The following CNST variants were observed in gnomAD, a reference collection of about 807,000 sequenced individuals.
CNST encodes consortin.
Under a neutral mutation model 72.4 loss-of-function variants are expected in CNST, and 39 were observed. The ratio of observed to expected loss-of-function variants is 0.54; its 90% CI spans 0.42 to 0.70. The LOEUF is 0.70. Among genes scored for constraint, CNST ranks in the 30% least tolerant of loss-of-function variants. CNST has a pLI of 0.00. For synonymous variants in CNST, 332 were observed against 320.1 expected, an observed-to-expected ratio of 1.04 and a Z score of -0.40; for missense variants, 871 against 868.5, an observed-to-expected ratio of 1.00 and a Z score of -0.04.
intron 1 of CNST, among the ~76,000 whole-genome samples, chr1:246,569,188 TAAGA>T (rs1659908467): frequency 1.3e-5 from 2 of 152,200 alleles, no homozygotes; most frequent in Non-Finnish European, 1.5e-5. Context: ...GTAGTGGTAT[TAAGA>T]AAGTAAAAAG....
intron 8 of CNST, among the ~76,000 whole-genome samples, chr1:246,645,572 C>G (rs1373484424): frequency 6.6e-6 from 1 of 151,742 alleles, no homozygotes; most frequent in Non-Finnish European, 1.5e-5. Flanking sequence ...GGACTACAGG[C>G]GCCCGCCACC....
chr1:246,625,967 TTTTG>T (rs1433854395), intron 3 of CNST, among the ~76,000 whole-genome samples: 2 of 152,124 alleles, frequency 1.3e-5, no homozygotes, highest in Non-Finnish European at 2.9e-5. Context: ...TTTTGAAGCG[TTTTG>T]TTTATTTGCC....
chr1:246,591,378 G>C, intron 1 of CNST, 134 bp from the exon 2 acceptor site: 1 of 654,642 alleles, frequency 1.5e-6, no homozygotes, highest in East Asian at 2.8e-5. Context: ...TATGGTGAAA[G>C]GGAATGAACT....
At chr1:246,601,602 CT>C (rs1662295031) in intron 2 of CNST, among the ~76,000 whole-genome samples, 1 of 151,994 alleles carries the variant, frequency 6.6e-6, no homozygotes, top group Non-Finnish European at 1.5e-5. Flanking sequence ...GGAGACCGGC[CT>C]GACCAACATG....
chr1:246,585,814 A>AT (rs1314108002), intron 1 of CNST, among the ~76,000 whole-genome samples: 1 of 151,288 alleles, frequency 6.6e-6, no homozygotes, highest in African/African-American at 2.4e-5. Context: ...GCGTGGTGGC[A>AT]TACATCTGTA....
intron 8 of CNST, among the ~76,000 whole-genome samples, chr1:246,644,183 G>A (rs919817167): frequency 3.3e-5 from 5 of 152,016 alleles, no homozygotes; most frequent in African/African-American, 9.7e-5. Context: ...GGCGGTTCAC[G>A]AGGTCAGGAG....
intron 10 of CNST, among the ~76,000 whole-genome samples, chr1:246,663,888 A>G (rs574613880): frequency 2.6e-5 from 4 of 152,204 alleles, no homozygotes; most frequent in African/African-American, 9.7e-5. Context: ...TGGGAAGGAA[A>G]TATGATTGGG....
At chr1:246,612,424 A>G (rs1368461358) in intron 2 of CNST, among the ~76,000 whole-genome samples, 1 of 152,174 alleles carries the variant, frequency 6.6e-6, no homozygotes, top group East Asian at 1.9e-4. Context: ...GCTGGTCTCG[A>G]ACTCCTGACC....
chr1:246,585,666 TACACACACACACACACACACAC>T (rs56730668), intron 1 of CNST, among the ~76,000 whole-genome samples: 27 of 101,604 alleles, frequency 2.7e-4, no homozygotes, highest in African/African-American at 3.2e-4. Flanking sequence ...AAAAAAAATA[TACACACACACACACACACACAC>T]ACACACACAC....
chr1:246,624,877 C>G (rs1201061766), intron 3 of CNST, among the ~76,000 whole-genome samples: 2 of 152,206 alleles, frequency 1.3e-5, no homozygotes, highest in Non-Finnish European at 2.9e-5. Context: ...TGGTCTTTAA[C>G]TCCTGATCTC....
chr1:246,657,643 C>T (rs961266207), intron 9 of CNST, among the ~76,000 whole-genome samples: 26 of 152,140 alleles, frequency 1.7e-4, no homozygotes, highest in Non-Finnish European at 3.1e-4. Context: ...TAAGGTGGGA[C>T]CACCTGACAA....
At chr1:246,638,379 G>A (rs189610857) in intron 6 of CNST, among the ~76,000 whole-genome samples, 350 of 152,280 alleles carry the variant, frequency 2.3e-3, no homozygotes, top group Admixed American at 6.1e-3. Context: ...CTGGGGTTTG[G>A]TGGCCCCTGC....
At position 246,626,271 on chromosome 1, in the gene CNST, G is replaced by A. The variant is rs140162660; in HGVS notation, c.585+4637G>A. On this transcript the variant is annotated intron_variant, in intron 3 of 10. Transcript: ENST00000366513. ...TCACCATGTTGCCCAGGCTGGTCTCGAATTCCTGGCCTCAAGTGATCTTCC... is the reference window on the plus strand; with the variant it reads ...TCACCATGTTGCCCAGGCTGGTCTCAAATTCCTGGCCTCAAGTGATCTTCC... Among the ~76,000 whole-genome samples, 1,251 of 149,826 alleles carry A rather than the reference G, an allele frequency of 8.3e-3. 9 individuals are homozygous for A. The highest frequency in any genetic ancestry group is 0.029 in the African/African-American group (1,198 of 40,782).
intron 9 of CNST, chr1:246,648,286 G>A: frequency 8.7e-7 from 1 of 1,152,724 alleles, no homozygotes; most frequent in South Asian, 2.7e-5. Flanking sequence ...GAGCGTTATT[G>A]TATATATCCA....
At chr1:246,630,117 T>C (rs1664681981) in intron 3 of CNST, among the ~76,000 whole-genome samples, 1 of 152,200 alleles carries the variant, frequency 6.6e-6, no homozygotes, top group Non-Finnish European at 1.5e-5. Flanking sequence ...ATGAGAACCA[T>C]GTTTACTGAC....
Position 246,641,315 on chromosome 1 carries a change from G to C in CNST, c.819-434G>C, listed in dbSNP as rs998318373. Among the ~76,000 whole-genome samples the C allele has an allele frequency of 2.0e-5, 3 of 152,106 alleles. No individual in the cohort carries two copies. The East Asian group carries it at 5.8e-4, about 29-fold the overall frequency. On this transcript the variant is annotated intron_variant, in intron 6 of 10. Transcript: ENST00000366513. ...GGATATGTACATTCTGTTATCTTGGGTATTCCCTAACATTTAATATTTATA... is the reference window on the plus strand; with the variant it reads ...GGATATGTACATTCTGTTATCTTGGCTATTCCCTAACATTTAATATTTATA...
intron 4 of CNST, chr1:246,632,303 A>G (rs1664820036): frequency 3.4e-6 from 1 of 295,966 alleles, no homozygotes; most frequent in South Asian, 4.4e-5. Flanking sequence ...GAGCTTGGCA[A>G]CGTGCGCCAC....
intron 3 of CNST, among the ~76,000 whole-genome samples, chr1:246,623,633 G>A (rs757292739): frequency 2.8e-4 from 42 of 152,096 alleles, no homozygotes; most frequent in Non-Finnish European, 3.8e-4. Context: ...ATGGTGGCAC[G>A]CGCCTGTAGT....
intron 1 of CNST, chr1:246,569,922 A>G (rs1659960453): frequency 2.0e-6 from 2 of 983,598 alleles, no homozygotes; most frequent in Non-Finnish European, 2.4e-6. Context: ...GACCTTCAAG[A>G]AGATTGAACT....
Sources: gnomAD v4.1 joint callset for allele counts (sites outside exome capture counted in the v4.1 genomes callset) on GRCh38, gnomAD v4.1.1 for gene constraint, MANE v1.5 for transcripts, NCBI Gene and HGNC (gene_info 2026-07-23, HGNC 2026-07-21) for gene names.